Variants in ZNF343 observed in about 807,000 individuals in gnomAD.
ZNF343 encodes zinc finger protein 343.
A neutral mutation model predicts 13.8 loss-of-function variants in ZNF343; 11 were observed. The ratio of observed to expected loss-of-function variants is 0.80; its 90% CI spans 0.50 to 1.32. ZNF343 has a LOEUF of 1.32. Among genes scored for constraint, ZNF343 ranks in the 40% most tolerant of loss-of-function variants. ZNF343 has a pLI of 0.00. For synonymous variants in ZNF343, 248 were observed against 260.0 expected (o/e 0.95, Z 0.44); for missense variants, 658 against 714.2 (o/e 0.92, Z 0.90).
rs567430379 is a variant in ZNF343, at chr20:2,518,262, C to T, written c.-347+6193G>A. On this transcript the variant is annotated intron_variant, in intron 1 of 6. Coordinates refer to the ZNF343 transcript ENST00000358413. The surrounding 1 kb of genome is among the most constrained non-coding windows in gnomAD (Gnocchi z 4.6). ...GAACTCCTGAACTCAGACAGTTTGC[C>T]GACCTTGGCCTCCCAGAGTGTTAGA... Among the ~76,000 whole-genome samples the T allele has an allele frequency of 2.6e-5, 4 of 152,248 alleles. No homozygotes were observed. The highest frequency in any genetic ancestry group is 3.9e-4 in the East Asian group (2 of 5,182).
chr20:2,519,185 C>T (rs1236345776), intron 1 of ZNF343, among the ~76,000 whole-genome samples: 5 of 152,144 alleles, frequency 3.3e-5, no homozygotes, highest in Non-Finnish European at 7.4e-5. Context: ...TACTTACTCC[C>T]TCAAATACCC....
chr20:2,485,603 C>G (rs758381199), intron 5 of ZNF343, among the ~76,000 whole-genome samples: 3 of 152,216 alleles, frequency 2.0e-5, no homozygotes, highest in Non-Finnish European at 2.9e-5. Context: ...AAACTGCTCC[C>G]TAACAGTAAA....
intron 1 of ZNF343, among the ~76,000 whole-genome samples, chr20:2,500,964 A>C (rs183910891): frequency 1.8e-4 from 27 of 152,292 alleles, no homozygotes; most frequent in African/African-American, 6.5e-4. Flanking sequence ...AAGTGGGTGC[A>C]GGACAGTGGG....
chr20:2,486,847 GTCCATATAGT>G (rs2085289175), intron 5 of ZNF343: 2 of 151,704 alleles, frequency 1.3e-5, no homozygotes, highest in African/African-American at 4.8e-5. Flanking sequence ...ACAAAATATA[GTCCATATAGT>G]TCATGCACTT....
At chr20:2,486,625 G>A (rs940919613) in intron 5 of ZNF343, 2 of 152,220 alleles carry the variant, frequency 1.3e-5, no homozygotes, top group African/African-American at 4.8e-5. Flanking sequence ...AATTAGCCAG[G>A]TGTGGTGGCA....
At chr20:2,524,242 T>G (rs2085795108) in intron 1 of ZNF343, among the ~76,000 whole-genome samples, 1 of 151,400 alleles carries the variant, frequency 6.6e-6, no homozygotes, top group Non-Finnish European at 1.5e-5. Context: ...GCTGGGGAGG[T>G]CGAGGCTGCA....
Position 2,483,907 on chromosome 20 carries a change from G to C in ZNF343, c.1054C>G (p.Pro352Ala). The change falls in exon 6 of 6, where the codon CCC becomes GCC. Residue 352 changes from proline (P) to alanine (A), a missense_variant. Physicochemically the swap from Pro to Ala is conservative, Grantham distance 27 (BLOSUM62 -1). Coordinates refer to ENST00000278772, the MANE Select transcript of ZNF343 (RefSeq NM_024325.6). ...RHQWTHSEEK[P>A]YVCSECGRGF... ...CGCCCACACTCGCTGCAAACATAGGGCTTCTCCTCTGAGTGAGTCCACTGA... is the reference window on the plus strand; with the variant it reads ...CGCCCACACTCGCTGCAAACATAGGCCTTCTCCTCTGAGTGAGTCCACTGA... 1 of 1,614,208 alleles carries C rather than the reference G, an allele frequency of 6.2e-7. No homozygotes were observed. The highest frequency in any genetic ancestry group is 8.5e-7 in the Non-Finnish European group (1 of 1,180,044).
At chr20:2,487,908 G>T (rs2085306346) in intron 5 of ZNF343, among the ~76,000 whole-genome samples, 1 of 152,216 alleles carries the variant, frequency 6.6e-6, no homozygotes, top group Non-Finnish European at 1.5e-5. Context: ...AATTAGAAGT[G>T]AAGTTGAACA....
chr20:2,499,063 T>C (rs1233087384), intron 2 of ZNF343, among the ~76,000 whole-genome samples: 3 of 151,946 alleles, frequency 2.0e-5, no homozygotes, highest in Non-Finnish European at 2.9e-5. Context: ...TGAGTTCAAG[T>C]GATCCATCAC....
rs2085189249 is a variant in ZNF343 at position 2,482,916 on chromosome 20, T to A, written c.*245A>T. ...AGTCCCTACACATAAACTTCTCTCC[T>A]AAGTGTGTCCTTTTGTGCATGCTCA... On this transcript the variant is annotated 3_prime_UTR_variant, in exon 6 of 6. Transcript: ENST00000278772. 3.8e-6 allele frequency: 2 copies of A among 530,028 alleles called. No homozygotes were observed. Among genetic ancestry groups the A allele is most frequent in the South Asian group, 5.6e-5 (2 of 35,606 alleles). The allele number at this position is 530,028 out of a possible 1,614,324, so 32.8% of individuals were successfully genotyped here.
chr20:2,501,094 T>G (rs932962118), intron 1 of ZNF343, among the ~76,000 whole-genome samples: 1 of 151,932 alleles, frequency 6.6e-6, no homozygotes, highest in African/African-American at 2.4e-5. Context: ...CCTGGAAAAT[T>G]GGGTCACTCC....
exon 1 of ZNF343, chr20:2,524,514 C>G (rs527586906): frequency 2.0e-5 from 3 of 152,764 alleles, no homozygotes; most frequent in East Asian, 1.9e-4. Flanking sequence ...GCCCCTGCCC[C>G]GAATCGCAGG....
chr20:2,511,500 G>C (rs1600082013), upstream of ZNF343, among the ~76,000 whole-genome samples: 2 of 152,162 alleles, frequency 1.3e-5, no homozygotes, highest in East Asian at 3.9e-4. Context: ...CCTTGATCTG[G>C]AGCCCTCCCT....
At chr20:2,492,875 C>G (rs199997106) in intron 4 of ZNF343, 50 bp from the exon 5 acceptor site, 547 of 1,605,032 alleles carry the variant, frequency 3.4e-4, no homozygotes, top group Non-Finnish European at 4.3e-4. Flanking sequence ...TCAATCTTCC[C>G]TGTGTGTGGA....
chr20:2,489,870 C>CA (rs1477168860), intron 5 of ZNF343, among the ~76,000 whole-genome samples: 1 of 151,828 alleles, frequency 6.6e-6, no homozygotes, highest in Non-Finnish European at 1.5e-5. Flanking sequence ...AAAAGAGACT[C>CA]GGGCCGGGCT....
In ZNF343 at chr20:2,490,129, T is replaced by G. The variant is rs6106800; in HGVS notation, c.304+2570A>C. 7.9e-3 allele frequency among the ~76,000 whole-genome samples: 1,207 copies of G among 152,328 alleles called. 11 individuals carry two copies. Among genetic ancestry groups the G allele is most frequent in the African/African-American group, 0.028 (1,166 of 41,556 alleles). Reference sequence around the variant, plus strand: ...AAAACAGTATGCTCTCAAGTTTTTATAACTTTGAGAATAAGCTTGTGGTTG... The same window carrying G: ...AAAACAGTATGCTCTCAAGTTTTTAGAACTTTGAGAATAAGCTTGTGGTTG... On this transcript the variant is annotated intron_variant, in intron 5 of 5. Transcript: ENST00000278772.
At chr20:2,511,173 A>G (rs2085737719), upstream of ZNF343, among the ~76,000 whole-genome samples, 1 of 150,136 alleles carries the variant, frequency 6.7e-6, no homozygotes, top group South Asian at 2.1e-4. Context: ...GTGCGGTGGC[A>G]TGATCACCGC....
chr20:2,520,384 G>A (rs905613653), intron 1 of ZNF343, among the ~76,000 whole-genome samples: 1 of 152,078 alleles, frequency 6.6e-6, no homozygotes, highest in African/African-American at 2.4e-5. Context: ...TATAATCCCA[G>A]CACTTTAGGA....
intron 5 of ZNF343, 118 bp downstream of exon 5, chr20:2,492,581 A>T: frequency 8.1e-7 from 1 of 1,240,428 alleles, no homozygotes; most frequent in Non-Finnish European, 1.1e-6. Context: ...GGAGGCAGGG[A>T]TTACGATTTT....
Sources: gnomAD v4.1 joint callset for allele counts (sites outside exome capture counted in the v4.1 genomes callset) on GRCh38, gnomAD v4.1.1 for gene constraint, Gnocchi (gnomAD v3.1) non-coding constraint, MANE v1.5 for transcripts, NCBI Gene and HGNC (gene_info 2026-07-23, HGNC 2026-07-21) for gene names.